The following CNTNAP2 variants were observed in gnomAD, a reference collection of about 807,000 sequenced individuals.
CNTNAP2 encodes contactin-associated protein-like 2.
CNTNAP2 carries 98 observed loss-of-function variants against 155.2 expected under a neutral mutation model. That is an observed-to-expected ratio of 0.63 (90% CI 0.54 to 0.75). The LOEUF is 0.75. Among genes scored for constraint, CNTNAP2 ranks in the 30% least tolerant of loss-of-function variants. The pLI is 0.00. For missense variants in CNTNAP2, 1,727 were observed against 1,688.1 expected (o/e 1.02, Z -0.40); for synonymous variants, 651 against 631.2 (o/e 1.03, Z -0.47).
At chr7:146,829,705 T>C (rs1803474095) in intron 2 of CNTNAP2, among the ~76,000 whole-genome samples, 1 of 152,108 alleles carries the variant, frequency 6.6e-6, no homozygotes, top group Non-Finnish European at 1.5e-5. Flanking sequence ...TACGTGTTTA[T>C]TCTTTTGAAG....
intron 14 of CNTNAP2, among the ~76,000 whole-genome samples, chr7:147,920,635 T>C (rs7805223): frequency 0.73 from 110,284 of 151,822 alleles, 40,329 homozygotes; most frequent in East Asian, 0.81. Flanking sequence ...TCAGCTCATG[T>C]CTGAGTCCCT....
At chr7:147,060,574 AT>A (rs1352404231) in intron 4 of CNTNAP2, among the ~76,000 whole-genome samples, 1 of 152,014 alleles carries the variant, frequency 6.6e-6, no homozygotes, top group Non-Finnish European at 1.5e-5. Context: ...TACAAAAAAA[AT>A]ATCTGGGGCC....
At chr7:147,621,860 C>T (rs1299785374) in intron 12 of CNTNAP2, among the ~76,000 whole-genome samples, 1 of 151,816 alleles carries the variant, frequency 6.6e-6, no homozygotes, top group Non-Finnish European at 1.5e-5. Flanking sequence ...AAAAGAAAAA[C>T]CATTTGATCT....
At chr7:146,445,644 T>G (rs538453276) in intron 1 of CNTNAP2, among the ~76,000 whole-genome samples, 6 of 152,292 alleles carry the variant, frequency 3.9e-5, no homozygotes, top group Admixed American at 1.3e-4. Context: ...GTTTATGTGC[T>G]TGCATTATCA....
chr7:146,231,570 ACT>A (rs1161948643), intron 1 of CNTNAP2, among the ~76,000 whole-genome samples: 1 of 152,064 alleles, frequency 6.6e-6, no homozygotes, highest in East Asian at 1.9e-4. Context: ...ATCAGCAGAA[ACT>A]CTGTGCTTTT....
At chr7:147,644,881 A>T (rs1795341086) in intron 13 of CNTNAP2, among the ~76,000 whole-genome samples, 1 of 152,090 alleles carries the variant, frequency 6.6e-6, no homozygotes, top group Non-Finnish European at 1.5e-5. Context: ...TGAAGTATTG[A>T]TTCCTTACAT....
chr7:146,352,750 G>GTTGTTTTTTTTT (rs1554421455), intron 1 of CNTNAP2, among the ~76,000 whole-genome samples: 6 of 64,338 alleles, frequency 9.3e-5, no homozygotes, highest in African/African-American at 3.9e-4. Flanking sequence ...GCATAATTCT[G>GTTGTTTTTTTTT]TTTTTTTTTT....
At chr7:146,201,072 C>T (rs1798852741) in intron 1 of CNTNAP2, among the ~76,000 whole-genome samples, 1 of 152,066 alleles carries the variant, frequency 6.6e-6, no homozygotes. Flanking sequence ...TGTATTTCTG[C>T]AAAATGAGAT....
chr7:147,253,272 G>A (rs934506951), intron 8 of CNTNAP2, among the ~76,000 whole-genome samples: 2 of 151,608 alleles, frequency 1.3e-5, no homozygotes, highest in Non-Finnish European at 2.9e-5. Context: ...ATCTAATATA[G>A]AAAATGACCC....
intron 8 of CNTNAP2, among the ~76,000 whole-genome samples, chr7:147,232,753 T>C (rs1244587277): frequency 6.6e-6 from 1 of 151,962 alleles, no homozygotes; most frequent in East Asian, 1.9e-4. Flanking sequence ...AGGGGGAAAC[T>C]TTCTGACATT....
chr7:147,097,281 AG>A (rs1800556688), intron 4 of CNTNAP2, among the ~76,000 whole-genome samples: 1 of 152,212 alleles, frequency 6.6e-6, no homozygotes, highest in African/African-American at 2.4e-5. Context: ...TGATTTTACA[AG>A]TTTAAAGTAA....
At chr7:147,558,250 T>A (rs1002046210) in intron 11 of CNTNAP2, among the ~76,000 whole-genome samples, 4 of 152,214 alleles carry the variant, frequency 2.6e-5, no homozygotes, top group Admixed American at 6.5e-5. Context: ...TGGTTTTGCA[T>A]CCCATTCCAT....
intron 15 of CNTNAP2, among the ~76,000 whole-genome samples, chr7:148,085,044 T>C (rs1803694606): frequency 6.6e-6 from 1 of 152,234 alleles, no homozygotes; most frequent in Non-Finnish European, 1.5e-5. Flanking sequence ...GTGTTGATGT[T>C]CCATATTCTT....
chr7:146,184,711 C>T (rs566595624), intron 1 of CNTNAP2, among the ~76,000 whole-genome samples: 41 of 152,158 alleles, frequency 2.7e-4, no homozygotes, highest in African/African-American at 8.2e-4. Context: ...AAAGGAAATG[C>T]GTGTGGCTCA....
intron 1 of CNTNAP2, among the ~76,000 whole-genome samples, chr7:146,632,126 T>G (rs1412919924): frequency 1.3e-5 from 2 of 152,198 alleles, no homozygotes; most frequent in Non-Finnish European, 2.9e-5. Flanking sequence ...TGCTTTAGTT[T>G]CATCAAATGA....
chr7:146,566,085 G>C (rs1379576508), intron 1 of CNTNAP2, among the ~76,000 whole-genome samples: 2 of 152,238 alleles, frequency 1.3e-5, no homozygotes, highest in East Asian at 3.9e-4. Flanking sequence ...CCACCAGGCA[G>C]GTTGCCTGTT....
intron 6 of CNTNAP2, among the ~76,000 whole-genome samples, chr7:147,123,932 C>T (rs886323536): frequency 5.3e-5 from 8 of 152,152 alleles, no homozygotes; most frequent in Admixed American, 2.0e-4. Flanking sequence ...ATCCCAGCTA[C>T]TTGGGAGGCT....
chr7:146,973,128 A>G (rs1270285117), intron 3 of CNTNAP2, among the ~76,000 whole-genome samples: 1 of 152,152 alleles, frequency 6.6e-6, no homozygotes, highest in Non-Finnish European at 1.5e-5. Flanking sequence ...TCCCAGGTTC[A>G]AGTGATTCTC....
At chr7:147,214,199 C>T (rs369895421) in intron 8 of CNTNAP2, among the ~76,000 whole-genome samples, 5 of 152,116 alleles carry the variant, frequency 3.3e-5, no homozygotes, top group African/African-American at 9.7e-5. Context: ...AAACACCATA[C>T]GTAGGAGTTC....
Sources: gnomAD v4.1 joint callset for allele counts (sites outside exome capture counted in the v4.1 genomes callset) on GRCh38, gnomAD v4.1.1 for gene constraint, MANE v1.5 for transcripts, NCBI Gene and HGNC (gene_info 2026-07-23, HGNC 2026-07-21) for gene names.